Variants in METTL8 observed in about 807,000 individuals in gnomAD.
METTL8 encodes the protein methyltransferase 8, tRNA N3-cytidine.
In METTL8, 32 loss-of-function variants were observed where a neutral mutation model predicts 48.7. That is an observed-to-expected ratio of 0.66 (90% confidence interval 0.50 to 0.88). METTL8 has a LOEUF of 0.88. Ranked by LOEUF, METTL8 falls within the 40% of genes least tolerant of loss-of-function variation. The probability of loss-of-function intolerance (pLI) is 0.00; values close to 1 mark genes in which losing one functional copy is unlikely to be tolerated. For synonymous variants in METTL8, 136 were observed against 157.1 expected (o/e 0.87, Z 1.01); for missense variants, 464 against 474.4 (o/e 0.98, Z 0.20).
At chr2:171,386,319 A>G (rs940432938) in intron 2 of METTL8, among the ~76,000 whole-genome samples, 22 of 152,258 alleles carry the variant, frequency 1.4e-4, no homozygotes, top group Admixed American at 1.3e-4. Flanking sequence ...ATAGCCTGTG[A>G]TAACTATCCA....
intron 2 of METTL8, among the ~76,000 whole-genome samples, chr2:171,380,134 C>CCAAT (rs1341544482): frequency 6.6e-6 from 1 of 152,160 alleles, no homozygotes; most frequent in Non-Finnish European, 1.5e-5. Flanking sequence ...ATAAACTGAA[C>CCAAT]CAATGACAAA....
intron 5 of METTL8, among the ~76,000 whole-genome samples, chr2:171,333,785 G>A (rs2105404468): frequency 1.3e-5 from 2 of 152,270 alleles, no homozygotes; most frequent in East Asian, 3.9e-4. Flanking sequence ...TAAGGTTTGA[G>A]TCTCAGCTTT....
At position 171,339,926 on chromosome 2, in the gene METTL8, C is replaced by T. The variant is rs572582953; in HGVS notation, c.236-372G>A. Reference sequence around the variant, plus strand: ...ATTATCTTAAAGAAAGGTCCAGGCGCGGTGGCTCATGCCTGTAATCCCAGC... The same window carrying T: ...ATTATCTTAAAGAAAGGTCCAGGCGTGGTGGCTCATGCCTGTAATCCCAGC... On this transcript the variant is annotated intron_variant, in intron 3 of 9. Coordinates refer to ENST00000375258, the MANE Select transcript of METTL8 (RefSeq NM_001321154.2). Among the ~76,000 whole-genome samples, 11 of 152,236 alleles carry T rather than the reference C, an allele frequency of 7.2e-5. No homozygotes were observed. The South Asian group carries it at 1.2e-3, about 17-fold the overall frequency.
chr2:171,329,010 A>G, intron 7 of METTL8, among the ~76,000 whole-genome samples: 1 of 131,918 alleles, frequency 7.6e-6, no homozygotes, highest in East Asian at 2.4e-4. Context: ...TTTTGAGACA[A>G]GGTCTTGCTT....
intron 7 of METTL8, among the ~76,000 whole-genome samples, chr2:171,329,529 G>A (rs1418611549): frequency 6.6e-6 from 1 of 152,144 alleles, no homozygotes; most frequent in African/African-American, 2.4e-5. Flanking sequence ...AAACAGATTA[G>A]CAGAAAGAAA....
intron 1 of METTL8, among the ~76,000 whole-genome samples, chr2:171,433,457 C>T (rs1043927024): frequency 2.0e-5 from 3 of 152,168 alleles, no homozygotes; most frequent in Non-Finnish European, 4.4e-5. Context: ...GGAGATACAG[C>T]GGCCCCACCC....
At chr2:171,423,155 C>T (rs1692046818) in intron 1 of METTL8, among the ~76,000 whole-genome samples, 1 of 152,204 alleles carries the variant, frequency 6.6e-6, no homozygotes, top group Non-Finnish European at 1.5e-5. Flanking sequence ...GTTTGCTTCC[C>T]CTTCTGCCAT....
chr2:171,354,861 T>TC (rs998632500), intron 3 of METTL8, among the ~76,000 whole-genome samples: 1 of 132,362 alleles, frequency 7.6e-6, no homozygotes, highest in Admixed American at 7.8e-5. Context: ...GCCATTTGTC[T>TC]AATTTTTTTT....
intron 1 of METTL8, among the ~76,000 whole-genome samples, chr2:171,393,653 C>G (rs775448825): frequency 5.3e-5 from 8 of 152,282 alleles, no homozygotes; most frequent in Non-Finnish European, 8.8e-5. Context: ...AGTTGTTCAT[C>G]ACAACATTCA....
intron 2 of METTL8, among the ~76,000 whole-genome samples, chr2:171,371,954 G>A (rs548524707): frequency 3.0e-4 from 46 of 151,914 alleles, no homozygotes; most frequent in African/African-American, 9.9e-4. Context: ...CTCCCATACT[G>A]CTGGGATTAC....
chr2:171,324,241 T>C lies in METTL8; in HGVS notation c.1155A>G (p.Lys385=). 6.4e-7 allele frequency: 1 copy of C among 1,551,306 alleles called. No individual in the cohort carries two copies. Among genetic ancestry groups the C allele is most frequent in the Non-Finnish European group, 8.7e-7 (1 of 1,146,944 alleles). ...VKMHRVWIQG[K]FQKPLHQTQN... is the part of the protein sequence containing the mutation. ...GAGTCTGGTGCAATGGTTTCTGGAATTTGCCTTGAATCCACACTCGGTGCA... is the reference window on the plus strand; with the variant it reads ...GAGTCTGGTGCAATGGTTTCTGGAACTTGCCTTGAATCCACACTCGGTGCA... The change falls in exon 10 of 10, where the codon AAA becomes AAG. Residue 385 remains lysine, a synonymous_variant. Coordinates refer to ENST00000375258, the MANE Select transcript of METTL8 (RefSeq NM_001321154.2).
intron 1 of METTL8, among the ~76,000 whole-genome samples, chr2:171,429,948 G>A (rs569947408): frequency 1.3e-5 from 2 of 152,028 alleles, no homozygotes; most frequent in South Asian, 4.2e-4. Context: ...GCTAAGACAG[G>A]AGAATCACTT....
In METTL8 at chr2:171,320,263, C is replaced by T. The variant is rs770247585; in HGVS notation, c.*3909G>A. The T allele has an allele frequency of 2.6e-5, 4 of 151,812 alleles. No homozygotes were observed. Among genetic ancestry groups the T allele is most frequent in the African/African-American group, 4.8e-5 (2 of 41,310 alleles). 9.4% of individuals were successfully genotyped at this position (151,812 alleles called of 1,614,324 possible). ...GACACTGGTGGAAATGGCCCTGCTG[C>T]GCAGCCATGTGGAATAGGAAGGCTA... is the stretch of plus-strand genomic sequence containing the variant. On this transcript the variant is annotated 3_prime_UTR_variant, in exon 10 of 10. Transcript: ENST00000375258.
At chr2:171,379,606 CAG>C (rs1252425694) in intron 2 of METTL8, among the ~76,000 whole-genome samples, 1 of 152,168 alleles carries the variant, frequency 6.6e-6, no homozygotes, top group Non-Finnish European at 1.5e-5. Context: ...AAACTACCAT[CAG>C]AGAGTACTAT....
At chr2:171,402,589 A>G (rs1002272854) in intron 1 of METTL8, among the ~76,000 whole-genome samples, 17 of 152,186 alleles carry the variant, frequency 1.1e-4, no homozygotes, top group African/African-American at 4.1e-4. Flanking sequence ...ATCTGTAGAT[A>G]TGTATGTATA....
At chr2:171,366,178 G>A (rs1685698093) in intron 2 of METTL8, among the ~76,000 whole-genome samples, 1 of 152,188 alleles carries the variant, frequency 6.6e-6, no homozygotes, top group Non-Finnish European at 1.5e-5. Context: ...GGAGAAGAGA[G>A]AACTGACAAG....
At chr2:171,385,004 T>C (rs1487099368) in intron 2 of METTL8, among the ~76,000 whole-genome samples, 1 of 151,968 alleles carries the variant, frequency 6.6e-6, no homozygotes, top group Non-Finnish European at 1.5e-5. Context: ...TATGGTCATA[T>C]AGAGAGTAAA....
chr2:171,326,240 G>T, intron 7 of METTL8, 92 bp from the exon 8 acceptor site: 1 of 655,342 alleles, frequency 1.5e-6, no homozygotes, highest in East Asian at 2.8e-5. Context: ...AATAAGAAAA[G>T]CTTGATAAGG....
intron 2 of METTL8, among the ~76,000 whole-genome samples, chr2:171,374,459 C>T (rs1364238000): frequency 6.6e-6 from 1 of 152,060 alleles, no homozygotes; most frequent in Admixed American, 6.5e-5. Context: ...CATTATTTTC[C>T]AATGTATGGA....
Sources: gnomAD v4.1 joint callset for allele counts (sites outside exome capture counted in the v4.1 genomes callset) on GRCh38, gnomAD v4.1.1 for gene constraint, MANE v1.5 for transcripts, NCBI Gene and HGNC (gene_info 2026-07-23, HGNC 2026-07-21) for gene names.